Variants in PALM observed in about 807,000 individuals in gnomAD.
The protein encoded by PALM is paralemmin-1.
A neutral mutation model predicts 30.7 loss-of-function variants in PALM; 18 were observed. The observed-to-expected ratio is 0.59, with a 90% CI of 0.41 to 0.87. The LOEUF (loss-of-function observed/expected upper bound fraction) is 0.87. Ranked by LOEUF, PALM falls within the 40% of genes least tolerant of loss-of-function variation. The pLI is 0.00. For missense variants in PALM, 529 were observed against 555.4 expected, an observed-to-expected ratio of 0.95 and a Z score of 0.48; for synonymous variants, 286 against 242.8, an observed-to-expected ratio of 1.18 and a Z score of -1.66.
At chr19:727,199 CCTGCCT>C (rs2032700515) in intron 3 of PALM, 111 bp downstream of exon 3, 3 of 745,728 alleles carry the variant, frequency 4.0e-6, no homozygotes, top group Admixed American at 2.3e-5. Context: ...TGACCCTGAC[CCTGCCT>C]CCAGCCCTGA....
intron 2 of PALM, among the ~76,000 whole-genome samples, chr19:726,399 G>A (rs2032663395): frequency 6.6e-6 from 1 of 152,208 alleles, no homozygotes; most frequent in Admixed American, 6.5e-5. Flanking sequence ...GCCTCGCTCT[G>A]CCTGATGGGT....
chr19:724,913 T>C (rs566383838), intron 1 of PALM, among the ~76,000 whole-genome samples: 12 of 151,600 alleles, frequency 7.9e-5, no homozygotes, highest in African/African-American at 2.7e-4. Context: ...CGTGAGCAGC[T>C]GTGGTTTTGC....
intron 2 of PALM, among the ~76,000 whole-genome samples, 166 bp from the exon 3 acceptor site, chr19:726,842 C>T (rs573467562): frequency 9.2e-5 from 14 of 151,872 alleles, no homozygotes; most frequent in Non-Finnish European, 1.3e-4. Flanking sequence ...GCTGCTGTCC[C>T]GGGCTGGAGT....
chr19:734,395 A>G (rs2032962208), intron 6 of PALM: 6 of 581,918 alleles, frequency 1.0e-5, no homozygotes, highest in East Asian at 6.0e-5. Context: ...CTCAGTGTCT[A>G]CTGAAAAAAT....
intron 5 of PALM, among the ~76,000 whole-genome samples, chr19:731,917 C>T (rs1268719867): frequency 6.6e-6 from 1 of 152,128 alleles, no homozygotes; most frequent in Non-Finnish European, 1.5e-5. Flanking sequence ...CCAACCTCGG[C>T]CTCCCAAATT....
intron 7 of PALM, among the ~76,000 whole-genome samples, chr19:736,393 C>A (rs9304944): frequency 6.6e-6 from 1 of 152,040 alleles, no homozygotes; most frequent in Non-Finnish European, 1.5e-5. Flanking sequence ...TCCTGGGGCC[C>A]GCTGGGGGTG....
intron 1 of PALM, among the ~76,000 whole-genome samples, chr19:720,389 AG>A (rs1392324065): frequency 2.4e-5 from 2 of 82,724 alleles, no homozygotes; most frequent in Non-Finnish European, 5.0e-5. Flanking sequence ...GGGAGGGGCG[AG>A]GGGGGCGCCG....
intron 1 of PALM, among the ~76,000 whole-genome samples, chr19:725,065 C>T (rs912981202): frequency 2.0e-5 from 3 of 151,846 alleles, no homozygotes; most frequent in Non-Finnish European, 2.9e-5. Context: ...GAGCAATTCT[C>T]GTGCCTCAGC....
chr19:720,741 G>A (rs1032408332), intron 1 of PALM, among the ~76,000 whole-genome samples: 48 of 152,140 alleles, frequency 3.2e-4, no homozygotes, highest in Non-Finnish European at 6.3e-4. Context: ...CTGGCCGGCC[G>A]GGCAGGGACA....
At position 742,993 on chromosome 19, in the gene PALM, C is replaced by T. The variant is rs1205886405; in HGVS notation, c.634+2510C>T. On this transcript the variant is annotated intron_variant, in intron 8 of 8. Transcript: ENST00000338448. The surrounding 1 kb of genome is among the most constrained non-coding windows in gnomAD (Gnocchi z 5.5). ...CTGCTGTTTTCCACGGAGGCTGCAC[C>T]GTCCCGTTCCCACAGGTCGTGGATG... Among the ~76,000 whole-genome samples the T allele has an allele frequency of 1.3e-5, 2 of 152,124 alleles. No homozygotes were observed. Among genetic ancestry groups the T allele is most frequent in the East Asian group, 1.9e-4 (1 of 5,186 alleles).
At chr19:724,733 T>C (rs1200502840) in intron 1 of PALM, among the ~76,000 whole-genome samples, 2 of 151,984 alleles carry the variant, frequency 1.3e-5, no homozygotes. Context: ...CCTCCCACCT[T>C]AGCCTCCCGA....
chr19:725,386 CCT>C (rs1284570823), intron 1 of PALM, among the ~76,000 whole-genome samples: 3 of 151,882 alleles, frequency 2.0e-5, no homozygotes, highest in African/African-American at 7.2e-5. Context: ...TGGTGAAACC[CCT>C]GTCTCTACTA....
intron 4 of PALM, chr19:727,948 C>T: frequency 1.3e-5 from 6 of 454,236 alleles, no homozygotes; most frequent in East Asian, 4.0e-5. Context: ...TACCCCTTTC[C>T]CTTCCCACCG....
chr19:718,669 C>T (rs2032352329), intron 1 of PALM, among the ~76,000 whole-genome samples: 1 of 152,074 alleles, frequency 6.6e-6, no homozygotes. Context: ...GTTCTCGGTG[C>T]CCCAGAGACT....
At chr19:710,424 A>G (rs2032034638) in intron 1 of PALM, among the ~76,000 whole-genome samples, 1 of 148,950 alleles carries the variant, frequency 6.7e-6, no homozygotes, top group Non-Finnish European at 1.5e-5. Flanking sequence ...CCCACCCCCC[A>G]GCCTTGTTTA....
chr19:728,066 C>T (rs982430892), intron 4 of PALM, among the ~76,000 whole-genome samples: 4 of 152,104 alleles, frequency 2.6e-5, no homozygotes, highest in African/African-American at 7.2e-5. Context: ...TGGGTGTTGC[C>T]GGCATTGGCC....
chr19:728,805 C>G (rs2032776322), intron 4 of PALM, among the ~76,000 whole-genome samples: 1 of 151,954 alleles, frequency 6.6e-6, no homozygotes, highest in Non-Finnish European at 1.5e-5. Context: ...AGATCGAGAC[C>G]ATCCTGGCTA....
intron 3 of PALM, 119 bp downstream of exon 3, chr19:727,207 C>T (rs1213478285): frequency 1.4e-6 from 1 of 706,720 alleles, no homozygotes; most frequent in Non-Finnish European, 2.4e-6. Context: ...ACCCTGCCTC[C>T]AGCCCTGACC....
chr19:717,436 C>T (rs1280514249), intron 1 of PALM, among the ~76,000 whole-genome samples: 1 of 152,090 alleles, frequency 6.6e-6, no homozygotes, highest in Admixed American at 6.6e-5. Flanking sequence ...TCTCACTGAG[C>T]GTGATGTCCT....
Sources: gnomAD v4.1 joint callset for allele counts (sites outside exome capture counted in the v4.1 genomes callset) on GRCh38, gnomAD v4.1.1 for gene constraint, Gnocchi (gnomAD v3.1) non-coding constraint, MANE v1.5 for transcripts, NCBI Gene and HGNC (gene_info 2026-07-23, HGNC 2026-07-21) for gene names.